The following GRIN2A variants were observed in gnomAD, a reference collection of about 807,000 sequenced individuals.
GRIN2A encodes the protein glutamate ionotropic receptor NMDA type subunit 2A.
In GRIN2A, 22 loss-of-function variants were observed where a neutral mutation model predicts 113.4. That is an observed-to-expected ratio of 0.19 (90% confidence interval 0.14 to 0.28). The LOEUF (loss-of-function observed/expected upper bound fraction) is 0.28. Ranked by LOEUF, GRIN2A falls within the 10% of genes least tolerant of loss-of-function variation. The pLI, the probability that GRIN2A is intolerant of heterozygous loss-of-function variation, is 1.00. For missense variants in GRIN2A, 1,502 were observed against 1,887.0 expected (o/e 0.80, Z 3.78); for synonymous variants, 827 against 738.4 (o/e 1.12, Z -1.94).
At chr16:9,859,609 T>TACAC (rs55697606) in intron 4 of GRIN2A, among the ~76,000 whole-genome samples, 3,817 of 141,202 alleles carry the variant, frequency 0.027, 50 homozygotes, top group Non-Finnish European at 0.031. Context: ...CTCGAACCTC[T>TACAC]ACACACACAC....
intron 2 of GRIN2A, among the ~76,000 whole-genome samples, chr16:10,128,097 A>G (rs1159953107): frequency 2.0e-5 from 3 of 152,178 alleles, no homozygotes; most frequent in African/African-American, 7.2e-5. Context: ...GCAACGTCCC[A>G]TGCTTATTTT....
At chr16:10,150,055 T>C (rs1254506906) in intron 2 of GRIN2A, among the ~76,000 whole-genome samples, 1 of 152,232 alleles carries the variant, frequency 6.6e-6, no homozygotes, top group East Asian at 1.9e-4. Flanking sequence ...CTGGATCCAT[T>C]ACAGCTTGGC....
chr16:10,077,254 C>T (rs7195159), intron 2 of GRIN2A, among the ~76,000 whole-genome samples: 94,305 of 152,038 alleles, frequency 0.62, 29,603 homozygotes, highest in East Asian at 0.9. Flanking sequence ...AATTGATGTG[C>T]TTTAAGCCAC....
At chr16:9,827,643 A>G (rs1169669969) in intron 9 of GRIN2A, among the ~76,000 whole-genome samples, 1 of 152,228 alleles carries the variant, frequency 6.6e-6, no homozygotes, top group East Asian at 1.9e-4. Context: ...TTACCATTCC[A>G]GTGCCCAAAG....
chr16:9,771,330 A>G (rs1215332843), intron 11 of GRIN2A, among the ~76,000 whole-genome samples: 3 of 150,688 alleles, frequency 2.0e-5, no homozygotes, highest in Non-Finnish European at 4.4e-5. Context: ...TTTCCAATAG[A>G]TGTATTTTCC....
chr16:10,141,699 G>A (rs2049329679), intron 2 of GRIN2A, among the ~76,000 whole-genome samples: 1 of 152,130 alleles, frequency 6.6e-6, no homozygotes, highest in African/African-American at 2.4e-5. Context: ...TATTTCTGTT[G>A]TAAAAATTGA....
intron 3 of GRIN2A, among the ~76,000 whole-genome samples, chr16:9,911,799 TA>T (rs1353839860): frequency 1.3e-5 from 2 of 152,210 alleles, no homozygotes; most frequent in Non-Finnish European, 2.9e-5. Flanking sequence ...AACCTGAGTA[TA>T]AAGGTTGAGT....
At chr16:9,854,908 G>A (rs1468388545) in intron 4 of GRIN2A, among the ~76,000 whole-genome samples, 1 of 152,010 alleles carries the variant, frequency 6.6e-6, no homozygotes. Context: ...TGCTATTTTT[G>A]GAGCTTGGAG....
At chr16:10,157,107 G>C (rs1292746051) in intron 2 of GRIN2A, among the ~76,000 whole-genome samples, 1 of 152,104 alleles carries the variant, frequency 6.6e-6, no homozygotes, top group African/African-American at 2.4e-5. Context: ...CCTTGAGTAG[G>C]AGAGCTTCCC....
At chr16:9,822,118 A>C in intron 10 of GRIN2A, 146 bp downstream of exon 10, 1 of 838,674 alleles carries the variant, frequency 1.2e-6, no homozygotes, top group Admixed American at 1.9e-5. Flanking sequence ...ATTAACAAAA[A>C]CTGCCCTCAA....
At chr16:9,848,026 T>C (rs1399975636) in intron 5 of GRIN2A, among the ~76,000 whole-genome samples, 1 of 146,840 alleles carries the variant, frequency 6.8e-6, no homozygotes, top group East Asian at 1.9e-4. Flanking sequence ...TATGTTAATA[T>C]ATGAAAATGT....
intron 2 of GRIN2A, among the ~76,000 whole-genome samples, chr16:10,128,094 C>A (rs34435939): frequency 1.3e-5 from 2 of 152,112 alleles, no homozygotes; most frequent in African/African-American, 2.4e-5. Flanking sequence ...TTGGCAACGT[C>A]CCATGCTTAT....
intron 12 of GRIN2A, 130 bp from the exon 13 acceptor site, chr16:9,765,078 C>A: frequency 8.9e-7 from 1 of 1,122,472 alleles, no homozygotes; most frequent in South Asian, 1.3e-5. Flanking sequence ...CAGCAAAATT[C>A]AGTCTGAATC....
intron 4 of GRIN2A, among the ~76,000 whole-genome samples, chr16:9,869,632 T>C (rs1280594487): frequency 6.6e-6 from 1 of 152,206 alleles, no homozygotes; most frequent in Non-Finnish European, 1.5e-5. Flanking sequence ...TTGACTAACT[T>C]TACTTCTTGG....
rs544779692 is a variant in GRIN2A, at chr16:9,755,177, G to A, written c.*7972C>T. ...TGATAATCTCAGTTTTGTCTTCTTC[G>A]TTTCTGCAGACCGCTGACACTTTAT... On this transcript the variant is annotated 3_prime_UTR_variant, in exon 13 of 13. Transcript: ENST00000330684. 11 of 191,890 alleles carry A rather than the reference G, an allele frequency of 5.7e-5. No individual in the cohort carries two copies. Among genetic ancestry groups the A allele is most frequent in the Non-Finnish European group, 9.8e-5 (9 of 91,624 alleles). 11.9% of individuals were successfully genotyped at this position (191,890 alleles called of 1,614,324 possible).
At chr16:9,862,567 C>T (rs758369824) in intron 4 of GRIN2A, among the ~76,000 whole-genome samples, 1 of 152,202 alleles carries the variant, frequency 6.6e-6, no homozygotes, top group Non-Finnish European at 1.5e-5. Context: ...AAAGAGCCAT[C>T]ATTTTCTTCA....
At chr16:9,990,030 G>C (rs1436046115) in intron 2 of GRIN2A, among the ~76,000 whole-genome samples, 3 of 152,142 alleles carry the variant, frequency 2.0e-5, no homozygotes, top group African/African-American at 7.2e-5. Context: ...TCCCATCACT[G>C]GGTATATGCC....
chr16:10,053,546 G>T (rs969087963), intron 2 of GRIN2A, among the ~76,000 whole-genome samples: 4 of 152,192 alleles, frequency 2.6e-5, no homozygotes, highest in African/African-American at 9.6e-5. Context: ...CAGAGTCACT[G>T]GTATCTTTTG....
intron 3 of GRIN2A, among the ~76,000 whole-genome samples, chr16:9,895,592 C>T (rs965469154): frequency 1.3e-5 from 2 of 152,092 alleles, no homozygotes; most frequent in African/African-American, 4.8e-5. Context: ...GGAATAGAGA[C>T]GACGGTCAAA....
Sources: gnomAD v4.1 joint callset for allele counts (sites outside exome capture counted in the v4.1 genomes callset) on GRCh38, gnomAD v4.1.1 for gene constraint, MANE v1.5 for transcripts, NCBI Gene and HGNC (gene_info 2026-07-23, HGNC 2026-07-21) for gene names.